The following GPM6A variants were observed in gnomAD, a reference collection of about 807,000 sequenced individuals.
GPM6A encodes the protein glycoprotein M6A.
GPM6A carries 7 observed loss-of-function variants against 32.1 expected under a neutral mutation model. The observed-to-expected ratio is 0.22, with a 90% CI of 0.12 to 0.41. The LOEUF (loss-of-function observed/expected upper bound fraction) is 0.41. GPM6A is among the 10% of genes least tolerant of loss of function. The pLI is 1.00. For synonymous variants in GPM6A, 130 were observed against 123.4 expected, an observed-to-expected ratio of 1.05 and a Z score of -0.35; for missense variants, 235 against 347.2, an observed-to-expected ratio of 0.68 and a Z score of 2.57.
chr4:175,688,009 C>T (rs1044804321), intron 2 of GPM6A, among the ~76,000 whole-genome samples: 1 of 152,112 alleles, frequency 6.6e-6, no homozygotes, highest in Non-Finnish European at 1.5e-5. Context: ...TATTCAAGTC[C>T]TCATTTGCCT....
chr4:175,904,960 G>T (rs1034720264), intron 1 of GPM6A, among the ~76,000 whole-genome samples: 3 of 152,104 alleles, frequency 2.0e-5, no homozygotes, highest in Non-Finnish European at 4.4e-5. Flanking sequence ...TTCAGTGGCT[G>T]GTGCCCTGCA....
At chr4:175,982,081 G>A (rs1433400599) in intron 1 of GPM6A, among the ~76,000 whole-genome samples, 1 of 152,058 alleles carries the variant, frequency 6.6e-6, no homozygotes, top group Non-Finnish European at 1.5e-5. Context: ...GTCTATGTAA[G>A]TTGTTTGCCC....
chr4:175,800,670 C>T (rs1199157406), intron 1 of GPM6A: 1 of 160,362 alleles, frequency 6.2e-6, no homozygotes, highest in Non-Finnish European at 1.4e-5. Flanking sequence ...CTGTTTCTTG[C>T]AAAATAAAAC....
intron 1 of GPM6A, among the ~76,000 whole-genome samples, chr4:175,889,624 T>A (rs1737572525): frequency 6.6e-6 from 1 of 151,786 alleles, no homozygotes; most frequent in Non-Finnish European, 1.5e-5. Flanking sequence ...GGCCATTGGC[T>A]AACCCGGTGA....
rs1579318995 is a variant in GPM6A, at chr4:175,634,042, A to T, written c.*863T>A. On this transcript the variant is annotated 3_prime_UTR_variant, in exon 7 of 7. Transcript: ENST00000393658. ...GGTAATTAATTTTCCACATTAGCAT[A>T]TTAAAAGTTCCAATCCAGCCACTTC... 1 of 152,598 alleles carries T rather than the reference A, an allele frequency of 6.6e-6. No individual in the cohort carries two copies. The highest frequency in any genetic ancestry group is 1.9e-4 in the East Asian group (1 of 5,196). 9.5% of individuals were successfully genotyped at this position (152,598 alleles called of 1,614,324 possible).
chr4:175,882,326 C>T (rs1737305894), intron 1 of GPM6A, among the ~76,000 whole-genome samples: 1 of 151,852 alleles, frequency 6.6e-6, no homozygotes. Context: ...TAATTTAATG[C>T]ACAAGTGAGC....
chr4:175,825,843 A>G (rs1171348069), intron 1 of GPM6A, among the ~76,000 whole-genome samples: 2 of 152,126 alleles, frequency 1.3e-5, no homozygotes, highest in Non-Finnish European at 2.9e-5. Context: ...CAAGTTGAAC[A>G]TTTTCAAGTC....
intron 1 of GPM6A, chr4:175,972,003 C>G (rs993304697): frequency 6.6e-6 from 1 of 152,140 alleles, no homozygotes; most frequent in African/African-American, 2.4e-5. Flanking sequence ...CGGTTGTCTA[C>G]TTGAAAAGTA....
chr4:175,637,018 A>G (rs1176874939), intron 6 of GPM6A, among the ~76,000 whole-genome samples: 6 of 135,758 alleles, frequency 4.4e-5, no homozygotes, highest in Admixed American at 8.0e-5. Context: ...ATATAAAAAT[A>G]TATATAATAC....
chr4:175,933,019 T>TA (rs1338528453), intron 1 of GPM6A, among the ~76,000 whole-genome samples: 4 of 151,834 alleles, frequency 2.6e-5, no homozygotes, highest in African/African-American at 9.7e-5. Context: ...TGTCAGTCTA[T>TA]AAAAAAACAC....
At chr4:175,685,649 C>T (rs541294651) in intron 2 of GPM6A, among the ~76,000 whole-genome samples, 3 of 152,006 alleles carry the variant, frequency 2.0e-5, no homozygotes, top group Non-Finnish European at 4.4e-5. Context: ...TCTTGTTTGC[C>T]AATTATCATG....
chr4:175,640,268 T>G (rs1741063810), intron 5 of GPM6A, 74 bp from the exon 6 acceptor site: 2 of 1,156,712 alleles, frequency 1.7e-6, no homozygotes, highest in Non-Finnish European at 2.6e-6. Context: ...TGCTACTGTC[T>G]TATAAACAAG....
intron 4 of GPM6A, among the ~76,000 whole-genome samples, chr4:175,642,806 C>A (rs537065947): frequency 6.6e-6 from 1 of 152,124 alleles, no homozygotes; most frequent in Non-Finnish European, 1.5e-5. Context: ...ATCTATGTGG[C>A]CATCCCATAT....
chr4:175,709,690 T>C (rs1358094993), intron 1 of GPM6A, among the ~76,000 whole-genome samples: 1 of 145,734 alleles, frequency 6.9e-6, no homozygotes, highest in African/African-American at 2.6e-5. Flanking sequence ...ATCATGCCAT[T>C]GCACTCCAGC....
chr4:175,703,710 A>G (rs1275807482), intron 1 of GPM6A, among the ~76,000 whole-genome samples: 1 of 152,224 alleles, frequency 6.6e-6, no homozygotes, highest in Non-Finnish European at 1.5e-5. Context: ...GCTTAAGTAT[A>G]TATGTTTTGC....
At chr4:175,656,041 A>T (rs1237807455) in intron 3 of GPM6A, among the ~76,000 whole-genome samples, 1 of 152,084 alleles carries the variant, frequency 6.6e-6, no homozygotes. Flanking sequence ...AATTTATAGT[A>T]ATTCTAGGAA....
chr4:175,995,898 C>A (rs930451163), intron 1 of GPM6A, among the ~76,000 whole-genome samples: 1 of 146,750 alleles, frequency 6.8e-6, no homozygotes, highest in East Asian at 1.9e-4. Context: ...CTGGTTATGT[C>A]GTTCATACAG....
At chr4:175,918,081 A>C (rs1738551565) in intron 1 of GPM6A, among the ~76,000 whole-genome samples, 1 of 152,068 alleles carries the variant, frequency 6.6e-6, no homozygotes, top group African/African-American at 2.4e-5. Context: ...CTTGATTCCC[A>C]CAATGAAAAT....
Position 175,865,527 on chromosome 4 carries a change from C to T in GPM6A, c.-22-53278G>A, listed in dbSNP as rs191781494. 1.6e-4 allele frequency among the ~76,000 whole-genome samples: 24 copies of T among 152,260 alleles called. No individual in the cohort carries two copies. In the East Asian group the frequency reaches 4.4e-3, roughly 28 times the overall value. On this transcript the variant is annotated intron_variant, in intron 1 of 7. Transcript: ENST00000280187. ...TATAGATCAATTTGAAGAGAATGAA[C>T]ATCTTAACAATATTGAGTTTTCCAA...
Sources: gnomAD v4.1 joint callset for allele counts (sites outside exome capture counted in the v4.1 genomes callset) on GRCh38, gnomAD v4.1.1 for gene constraint, MANE v1.5 for transcripts, NCBI Gene and HGNC (gene_info 2026-07-23, HGNC 2026-07-21) for gene names.